Variants in RAB10 observed in about 807,000 individuals in gnomAD.
The protein encoded by RAB10 is RAB10, member RAS oncogene family.
In RAB10, 5 loss-of-function variants were observed where a neutral mutation model predicts 25.7. The observed-to-expected ratio is 0.19, with a 90% CI of 0.10 to 0.41. RAB10 has a LOEUF of 0.41. Among genes scored for constraint, RAB10 ranks in the 10% least tolerant of loss-of-function variants. The probability of loss-of-function intolerance (pLI) is 1.00; values close to 1 mark genes in which losing one functional copy is unlikely to be tolerated. For synonymous variants in RAB10, 89 were observed against 86.4 expected (o/e 1.03, Z -0.16); for missense variants, 103 against 245.8 (o/e 0.42, Z 3.89).
At chr2:26,126,406 C>T (rs1667904087) in intron 3 of RAB10, among the ~76,000 whole-genome samples, 1 of 152,106 alleles carries the variant, frequency 6.6e-6, no homozygotes, top group Non-Finnish European at 1.5e-5. Context: ...GGCAAAACCC[C>T]CCATCTCTAC....
intron 1 of RAB10, among the ~76,000 whole-genome samples, chr2:26,044,268 C>A (rs35413760): frequency 0.14 from 21,935 of 152,248 alleles, 1,937 homozygotes; most frequent in Middle Eastern, 0.24. Flanking sequence ...ACAGACGGCC[C>A]CTCCTGTTCC....
At chr2:26,100,539 A>G (rs1477717948) in intron 2 of RAB10, among the ~76,000 whole-genome samples, 1 of 152,208 alleles carries the variant, frequency 6.6e-6, no homozygotes, top group Non-Finnish European at 1.5e-5. Context: ...TGTTAGTACC[A>G]CACTTGGGGT....
intron 2 of RAB10, among the ~76,000 whole-genome samples, chr2:26,105,137 G>GT (rs903216575): frequency 3.9e-5 from 6 of 152,018 alleles, no homozygotes; most frequent in South Asian, 2.1e-4. Context: ...TGGAAAGCCT[G>GT]TTTTTTTTCC....
chr2:26,128,390 C>T (rs1574564723), intron 5 of RAB10, among the ~76,000 whole-genome samples: 2 of 152,102 alleles, frequency 1.3e-5, no homozygotes, highest in Non-Finnish European at 1.5e-5. Flanking sequence ...TCCACAGCCC[C>T]GGGGTTGGGG....
At chr2:26,124,417 T>TTTTTTTTTTTG (rs1667867053) in intron 3 of RAB10, among the ~76,000 whole-genome samples, 3 of 119,590 alleles carry the variant, frequency 2.5e-5, no homozygotes, top group East Asian at 5.0e-4. Context: ...TTTTTTTTTT[T>TTTTTTTTTTTG]GAGACAGGTT....
chr2:26,054,049 T>C (rs1666195018), intron 1 of RAB10, among the ~76,000 whole-genome samples: 1 of 146,936 alleles, frequency 6.8e-6, no homozygotes, highest in Admixed American at 6.7e-5. Flanking sequence ...TTTTTTTTTT[T>C]TTTTTCCTGT....
chr2:26,107,644 C>G (rs1667492505), intron 2 of RAB10, among the ~76,000 whole-genome samples: 1 of 151,712 alleles, frequency 6.6e-6, no homozygotes, highest in Non-Finnish European at 1.5e-5. Flanking sequence ...AAAAATACAA[C>G]CGTTGGCTGG....
In RAB10 at chr2:26,133,866, G is replaced by A. The variant is rs527262804; in HGVS notation, c.520-1072G>A. On this transcript the variant is annotated intron_variant, in intron 5 of 5. Coordinates refer to ENST00000264710, the MANE Select transcript of RAB10 (RefSeq NM_016131.5). ...TTTTAGTAATTTTAGTAGAGACAGG[G>A]TTTTGGCATGTTGGCCAGGCTGGTC... Among the ~76,000 whole-genome samples, 4 of 152,092 alleles carry A rather than the reference G, an allele frequency of 2.6e-5. No homozygotes were observed. In the South Asian group the frequency reaches 8.3e-4, roughly 32 times the overall value.
At chr2:26,113,299 G>A (rs753154457) in intron 3 of RAB10, among the ~76,000 whole-genome samples, 9 of 151,834 alleles carry the variant, frequency 5.9e-5, no homozygotes, top group Non-Finnish European at 1.0e-4. Context: ...TCAGCCAAAC[G>A]CAGTGGCTCA....
chr2:26,054,214 A>ATTTT (rs1243071462), intron 1 of RAB10, among the ~76,000 whole-genome samples: 1 of 138,786 alleles, frequency 7.2e-6, no homozygotes, highest in Admixed American at 7.2e-5. Flanking sequence ...CGCCCACCTA[A>ATTTT]TTTTTTTTTT....
chr2:26,063,185 C>T (rs1417980596), intron 1 of RAB10, among the ~76,000 whole-genome samples: 1 of 152,008 alleles, frequency 6.6e-6, no homozygotes, highest in Non-Finnish European at 1.5e-5. Flanking sequence ...AGACTGTCCT[C>T]CTCAGGCTCG....
At chr2:26,111,331 G>A (rs1004465059) in intron 3 of RAB10, among the ~76,000 whole-genome samples, 14 of 152,168 alleles carry the variant, frequency 9.2e-5, no homozygotes, top group South Asian at 4.2e-4. Context: ...TTGGCTGGGC[G>A]CGGTGGCTCA....
At chr2:26,059,060 C>G (rs927768845) in intron 1 of RAB10, among the ~76,000 whole-genome samples, 6 of 152,160 alleles carry the variant, frequency 3.9e-5, no homozygotes, top group Non-Finnish European at 7.3e-5. Flanking sequence ...TTCTAGTGAT[C>G]TCTAAATCAT....
At chr2:26,128,038 G>C in intron 5 of RAB10, 87 bp downstream of exon 5, 1 of 1,188,238 alleles carries the variant, frequency 8.4e-7, no homozygotes, top group Non-Finnish European at 1.2e-6. Flanking sequence ...TTTACATACA[G>C]AATTTGAGTT....
intron 5 of RAB10, among the ~76,000 whole-genome samples, chr2:26,133,347 C>A (rs1668046003): frequency 6.6e-6 from 1 of 151,768 alleles, no homozygotes; most frequent in African/African-American, 2.4e-5. Flanking sequence ...TGAAAGAAGC[C>A]ACAGAGAAGA....
At chr2:26,076,003 C>G (rs1248795644) in intron 1 of RAB10, among the ~76,000 whole-genome samples, 1 of 152,056 alleles carries the variant, frequency 6.6e-6, no homozygotes, top group Non-Finnish European at 1.5e-5. Context: ...AAAAAGAAGG[C>G]AGACATTTGG....
At chr2:26,037,730 G>C (rs1423068651) in intron 1 of RAB10, among the ~76,000 whole-genome samples, 1 of 152,068 alleles carries the variant, frequency 6.6e-6, no homozygotes, top group Non-Finnish European at 1.5e-5. Flanking sequence ...ACTTCACATG[G>C]TGCCAGGACC....
intron 1 of RAB10, among the ~76,000 whole-genome samples, chr2:26,061,479 A>T (rs1666393014): frequency 6.6e-6 from 1 of 152,024 alleles, no homozygotes; most frequent in South Asian, 2.1e-4. Flanking sequence ...GTGGCACAGT[A>T]ATAGGCCACC....
intron 1 of RAB10, among the ~76,000 whole-genome samples, chr2:26,066,645 A>G (rs1666517080): frequency 6.6e-6 from 1 of 152,148 alleles, no homozygotes; most frequent in African/African-American, 2.4e-5. Context: ...CGCTATCATG[A>G]GAACAGCATG....
Sources: allele counts gnomAD v4.1 joint callset (sites outside exome capture counted in the v4.1 genomes callset), GRCh38; gene constraint gnomAD v4.1.1; transcripts MANE v1.5; gene names NCBI Gene and HGNC (gene_info 2026-07-23, HGNC 2026-07-21).